RYR3: variants seen among roughly 807,000 people sequenced by gnomAD.
The protein encoded by RYR3 is brain ryanodine receptor-calcium release channel.
A neutral mutation model predicts 584.3 loss-of-function variants in RYR3; 207 were observed. That is an observed-to-expected ratio of 0.35 (90% CI 0.32 to 0.40). The LOEUF is 0.40. RYR3 is among the 10% of genes least tolerant of loss of function. RYR3 has a pLI of 1.00. For missense variants in RYR3, 5,616 were observed against 6,089.2 expected (o/e 0.92, Z 2.59); for synonymous variants, 2,416 against 2,248.5 (o/e 1.07, Z -2.11).
intron 88 of RYR3, 80 bp downstream of exon 88, chr15:33,837,067 C>A: frequency 8.5e-7 from 1 of 1,176,544 alleles, no homozygotes; most frequent in Non-Finnish European, 1.2e-6. Context: ...TGCAGATTAT[C>A]CTTCTGGCAG....
chr15:33,555,032 G>A (rs969020310), intron 10 of RYR3, among the ~76,000 whole-genome samples: 2 of 152,200 alleles, frequency 1.3e-5, no homozygotes, highest in African/African-American at 4.8e-5. Context: ...CTATTTCATA[G>A]TGTAAGGGTA....
intron 47 of RYR3, among the ~76,000 whole-genome samples, chr15:33,729,324 C>T (rs900192579): frequency 6.6e-6 from 1 of 152,058 alleles, no homozygotes; most frequent in Non-Finnish European, 1.5e-5. Flanking sequence ...CATCCCTGGC[C>T]TCTACCCACT....
At chr15:33,353,835 C>T (rs1255857044) in intron 1 of RYR3, among the ~76,000 whole-genome samples, 1 of 151,978 alleles carries the variant, frequency 6.6e-6, no homozygotes. Flanking sequence ...ATAAGAATAA[C>T]ACATCCCATC....
chr15:33,633,164 T>C (rs2061348200), intron 24 of RYR3, 56 bp downstream of exon 24: 1 of 1,570,728 alleles, frequency 6.4e-7, no homozygotes, highest in Admixed American at 1.7e-5. Context: ...ATCATCCACG[T>C]GCCGTTTTGC....
chr15:33,481,789 CTTTTTTT>C (rs59354808), intron 2 of RYR3, among the ~76,000 whole-genome samples: 2 of 139,344 alleles, frequency 1.4e-5, no homozygotes, highest in East Asian at 2.2e-4. Context: ...GCCTTGAATA[CTTTTTTT>C]TTTTTTTTTT....
intron 1 of RYR3, among the ~76,000 whole-genome samples, chr15:33,317,793 T>A (rs1230052765): frequency 6.6e-6 from 1 of 152,118 alleles, no homozygotes; most frequent in Non-Finnish European, 1.5e-5. Flanking sequence ...TGGCTTAGAG[T>A]ACATTGCTGA....
intron 1 of RYR3, among the ~76,000 whole-genome samples, chr15:33,426,234 C>A (rs1023094555): frequency 4.6e-5 from 7 of 152,172 alleles, no homozygotes; most frequent in Non-Finnish European, 8.8e-5. Context: ...TGAATTAATA[C>A]TTTAAAATAC....
At chr15:33,367,143 T>C (rs1041085474) in intron 1 of RYR3, among the ~76,000 whole-genome samples, 1 of 152,232 alleles carries the variant, frequency 6.6e-6, no homozygotes, top group Admixed American at 6.5e-5. Flanking sequence ...AGCCAGAGGC[T>C]GTGATACCTC....
At chr15:33,742,283 GTTGA>G in intron 51 of RYR3, 79 bp from the exon 52 acceptor site, 2 of 859,276 alleles carry the variant, frequency 2.3e-6, no homozygotes, top group Non-Finnish European at 3.9e-6. Context: ...CTGACAGCTG[GTTGA>G]TTGGTAGTTC....
intron 80 of RYR3, 106 bp downstream of exon 80, chr15:33,821,708 G>T: frequency 9.7e-7 from 1 of 1,033,178 alleles, no homozygotes; most frequent in East Asian, 2.5e-5. Flanking sequence ...GAGCCACCCA[G>T]AATCACTTAG....
chr15:33,677,096 G>A (rs1440659956), intron 38 of RYR3, among the ~76,000 whole-genome samples: 1 of 152,156 alleles, frequency 6.6e-6, no homozygotes, highest in Admixed American at 6.5e-5. Context: ...AAGCCTGAGG[G>A]TAGAAAAATA....
chr15:33,827,845 G>A (rs1328690152), intron 85 of RYR3, among the ~76,000 whole-genome samples: 2 of 152,206 alleles, frequency 1.3e-5, no homozygotes, highest in African/African-American at 2.4e-5. Flanking sequence ...CTGTGTTCCA[G>A]TTTTTTCATC....
Position 33,727,365 on chromosome 15 carries a change from T to C in RYR3, c.7033+859T>C, listed in dbSNP as rs1300699177. On this transcript the variant is annotated intron_variant, in intron 46 of 103. Transcript: ENST00000634891. ...CGTTGTCATGTTTCCCAAACTGATA[T>C]TCCACAGAAGGTTTTTGTGGGAGAT... is the stretch of plus-strand genomic sequence containing the variant. Among the ~76,000 whole-genome samples, 4 of 152,210 alleles carry C rather than the reference T, an allele frequency of 2.6e-5. No homozygotes were observed. In the South Asian group the frequency reaches 6.2e-4, roughly 24 times the overall value.
rs1374379649 is a variant in RYR3 at position 33,581,712 on chromosome 15, T to G, written c.1573+69T>G. 5 of 1,375,742 alleles carry G rather than the reference T, an allele frequency of 3.6e-6. No individual in the cohort carries two copies. The East Asian group carries it at 6.9e-5, about 19-fold the overall frequency. The allele number at this position is 1,375,742 out of a possible 1,614,324, so 85.2% of individuals were successfully genotyped here. A position where few individuals can be genotyped will look rare whatever the true frequency, so the allele number is the denominator to read the frequency against. ...GGATTTCCACGTGCAATCCCAAGAT[T>G]GTCTTTAACTTGCCATTAACCCTGT... On this transcript the variant is annotated intron_variant, in intron 14 of 103. Coordinates refer to ENST00000634891, the MANE Select transcript of RYR3 (RefSeq NM_001036.6).
intron 1 of RYR3, among the ~76,000 whole-genome samples, chr15:33,423,656 G>GTT (rs374041754): frequency 0.052 from 7,806 of 148,738 alleles, 698 homozygotes; most frequent in African/African-American, 0.18. Context: ...TTATTTTCCA[G>GTT]GTTTTTTTTT....
chr15:33,353,880 G>A lies in RYR3; in HGVS notation c.51+42784G>A, dbSNP rs956562554. Among the ~76,000 whole-genome samples the A allele has an allele frequency of 4.6e-5, 7 of 152,044 alleles. No individual in the cohort carries two copies. The South Asian group carries it at 8.3e-4, about 18-fold the overall frequency. On this transcript the variant is annotated intron_variant, in intron 1 of 103. Transcript: ENST00000634891. ...ACCTATGTGAAAGAAAATTCTTTAT[G>A]GTAGGAGAAATTTAGTTTCCATAAA...
At position 33,831,089 on chromosome 15, in the gene RYR3, C is replaced by G; in HGVS notation, c.11461C>G (p.Gln3821Glu). 6.2e-7 allele frequency: 1 copy of G among 1,612,782 alleles called. No individual in the cohort carries two copies. Among genetic ancestry groups the G allele is most frequent in the Non-Finnish European group, 8.5e-7 (1 of 1,179,626 alleles). ...QIFNSLTEYIQGPCIGNQQSL... is the reference protein window; with the variant it reads ...QIFNSLTEYIEGPCIGNQQSL... Reference sequence around the variant, plus strand: ...TTTCAATTCTCTTACAGAATACATCCAGGTATGTGCTACAGAGTGCATGGT... The same window carrying G: ...TTTCAATTCTCTTACAGAATACATCGAGGTATGTGCTACAGAGTGCATGGT... Residue 3821 changes from glutamine to glutamate, a missense_variant and splice_region_variant, in exon 86 of 104, where the codon CAG becomes GAG. Around this residue, in one of 9 missense-constraint regions of RYR3, gnomAD observed 954 missense variants for 1,132.2 expected, o/e 0.84. Transcript: ENST00000634891.
intron 2 of RYR3, among the ~76,000 whole-genome samples, chr15:33,490,783 T>C (rs1217066456): frequency 6.6e-6 from 1 of 152,060 alleles, no homozygotes; most frequent in Non-Finnish European, 1.5e-5. Context: ...TGAGAACTTT[T>C]TGATGTTTAT....
At position 33,664,036 on chromosome 15, in the gene RYR3, T is replaced by C. The variant is rs76097708; in HGVS notation, c.5619+299T>C. 3.3e-3 allele frequency among the ~76,000 whole-genome samples: 499 copies of C among 152,288 alleles called. 3 individuals carry two copies. Among genetic ancestry groups the C allele is most frequent in the South Asian group, 0.012 (56 of 4,820 alleles). ...AGACCAGACCACTGTTGGGATTCAA[T>C]TGTCTCCTCAGCAAGGATACACCAC... On this transcript the variant is annotated intron_variant, in intron 36 of 103. Coordinates refer to ENST00000634891, the MANE Select transcript of RYR3 (RefSeq NM_001036.6).
Sources: allele counts gnomAD v4.1 joint callset (sites outside exome capture counted in the v4.1 genomes callset), GRCh38; gene constraint gnomAD v4.1.1; regional missense constraint gnomAD v4.1.1; transcripts MANE v1.5; gene names NCBI Gene and HGNC (gene_info 2026-07-23, HGNC 2026-07-21).